Variants in SAMD5 observed in about 807,000 individuals in gnomAD.
The protein encoded by SAMD5 is sterile alpha motif domain containing 5.
Under a neutral mutation model 11.3 loss-of-function variants are expected in SAMD5, and 13 were observed. That is an observed-to-expected ratio of 1.15 (90% CI 0.75 to 1.83). The LOEUF is 1.83. Among genes scored for constraint, SAMD5 ranks in the 40% most tolerant of loss-of-function variants. The probability of loss-of-function intolerance (pLI) is 0.00; values close to 1 mark genes in which losing one functional copy is unlikely to be tolerated. For missense variants in SAMD5, 255 were observed against 239.1 expected (o/e 1.07, Z -0.44); for synonymous variants, 129 against 111.3 (o/e 1.16, Z -1.00).
At chr6:147,558,412 G>A (rs993567022) in intron 1 of SAMD5, among the ~76,000 whole-genome samples, 3 of 152,162 alleles carry the variant, frequency 2.0e-5, no homozygotes, top group African/African-American at 7.2e-5. Context: ...CTTGTGCTGC[G>A]TAATTATAAG....
At chr6:147,527,270 C>A (rs1788357239) in intron 1 of SAMD5, among the ~76,000 whole-genome samples, 1 of 152,080 alleles carries the variant, frequency 6.6e-6, no homozygotes, top group Non-Finnish European at 1.5e-5. Context: ...GGAAGCATGG[C>A]AACGTCTGCT....
chr6:147,953,039 G>A, the SAMD5 span, among the ~76,000 whole-genome samples: 1 of 151,078 alleles, frequency 6.6e-6, no homozygotes, highest in East Asian at 1.9e-4. Flanking sequence ...CTTTTTTAAT[G>A]TGCCTTTATC....
intron 1 of SAMD5, among the ~76,000 whole-genome samples, chr6:147,605,774 A>G (rs996458635): frequency 3.9e-5 from 6 of 152,186 alleles, no homozygotes; most frequent in Non-Finnish European, 8.8e-5. Context: ...GAGCCGAAAG[A>G]TAAAAACAAT....
At chr6:147,816,281 CAA>C in the SAMD5 span, among the ~76,000 whole-genome samples, 2 of 27,832 alleles carry the variant, frequency 7.2e-5, no homozygotes, top group African/African-American at 3.2e-4. Flanking sequence ...ACTCCGTCTC[CAA>C]AAAAAAAAAA....
rs575754614 is a variant in SAMD5 at position 147,565,500 on chromosome 6, C to A, written c.*1044C>A. 4.0e-4 allele frequency: 362 copies of A among 893,870 alleles called. 5 individuals are homozygous for A. The African/African-American group carries it at 6.2e-3, about 15-fold the overall frequency. 55.4% of individuals were successfully genotyped at this position (893,870 alleles called of 1,614,324 possible). A position where few individuals can be genotyped will look rare whatever the true frequency, so the allele number is the denominator to read the frequency against. ...TTTAGACAGAGTCTCGCTCTGTCACCCAGGCTGGAGTGTAGTGGCACAATC... is the reference window on the plus strand; with the variant it reads ...TTTAGACAGAGTCTCGCTCTGTCACACAGGCTGGAGTGTAGTGGCACAATC... On this transcript the variant is annotated 3_prime_UTR_variant, in exon 2 of 2. Transcript: ENST00000367474.
intron 1 of SAMD5, among the ~76,000 whole-genome samples, chr6:147,511,700 T>G (rs1485142397): frequency 6.6e-6 from 1 of 151,912 alleles, no homozygotes; most frequent in Middle Eastern, 3.5e-3. Flanking sequence ...ATATAATTAA[T>G]GTACACATAT....
At chr6:147,802,121 T>TACAC in the SAMD5 span, among the ~76,000 whole-genome samples, 1 of 152,194 alleles carries the variant, frequency 6.6e-6, no homozygotes, top group Admixed American at 6.5e-5. Context: ...ACAGGTAAGT[T>TACAC]ACACACTGGG....
chr6:147,678,164 T>A (rs1181041397), intron 1 of SAMD5, among the ~76,000 whole-genome samples: 2 of 152,230 alleles, frequency 1.3e-5, no homozygotes, highest in South Asian at 2.1e-4. Flanking sequence ...AGGCAACTCT[T>A]ATCTTCTCGT....
At chr6:147,878,626 T>C in the SAMD5 span, among the ~76,000 whole-genome samples, 1 of 147,992 alleles carries the variant, frequency 6.8e-6, no homozygotes, top group African/African-American at 2.5e-5. Context: ...TATATGTATA[T>C]ATATCTATAT....
At chr6:147,788,353 T>C in the SAMD5 span, among the ~76,000 whole-genome samples, 1 of 152,338 alleles carries the variant, frequency 6.6e-6, no homozygotes, top group Non-Finnish European at 1.5e-5. Context: ...TTTGGCATAT[T>C]ACTTTCTTGA....
At chr6:147,550,708 A>AC (rs1788756533) in intron 1 of SAMD5, among the ~76,000 whole-genome samples, 2 of 62,668 alleles carry the variant, frequency 3.2e-5, no homozygotes, top group Non-Finnish European at 5.6e-5. Context: ...AAGAATGTGT[A>AC]CAATAGACCT....
intron 1 of SAMD5, among the ~76,000 whole-genome samples, chr6:147,575,906 T>G (rs2128445778): frequency 6.6e-6 from 1 of 152,306 alleles, no homozygotes; most frequent in Admixed American, 6.5e-5. Context: ...GCACCTTCCC[T>G]CATGGAACAA....
chr6:147,669,420 CTTTTTTTTT>C (rs55877273), intron 1 of SAMD5, among the ~76,000 whole-genome samples: 3 of 74,516 alleles, frequency 4.0e-5, no homozygotes, highest in Non-Finnish European at 7.3e-5. Context: ...AGCTCCACTT[CTTTTTTTTT>C]TTTTTTTTTT....
intron 1 of SAMD5, among the ~76,000 whole-genome samples, chr6:147,679,877 G>A (rs970579870): frequency 2.0e-5 from 3 of 150,466 alleles, no homozygotes; most frequent in Non-Finnish European, 4.4e-5. Context: ...TTTCCCCCCT[G>A]AATTATATTT....
chr6:147,932,713 A>T, the SAMD5 span, among the ~76,000 whole-genome samples: 2 of 151,506 alleles, frequency 1.3e-5, no homozygotes, highest in African/African-American at 2.4e-5. Context: ...GCACCAGCTG[A>T]ACTTACAAAT....
chr6:147,804,683 GA>G, the SAMD5 span, among the ~76,000 whole-genome samples: 1 of 152,202 alleles, frequency 6.6e-6, no homozygotes. Flanking sequence ...GAAAAAAAGG[GA>G]GGGGTAGTAT....
the SAMD5 span, among the ~76,000 whole-genome samples, chr6:147,903,785 G>A: frequency 7.9e-5 from 12 of 151,962 alleles, no homozygotes; most frequent in East Asian, 3.9e-4. Context: ...GCGCATGCCT[G>A]TAGTCCCAGC....
the SAMD5 span, among the ~76,000 whole-genome samples, chr6:147,812,083 T>G: frequency 1.3e-5 from 2 of 152,068 alleles, no homozygotes; most frequent in Admixed American, 1.3e-4. Flanking sequence ...CTCAGAAGCC[T>G]AGGACAGAGT....
At chr6:147,601,362 A>ATTTTTT (rs1180599274) in intron 1 of SAMD5, among the ~76,000 whole-genome samples, 4 of 151,482 alleles carry the variant, frequency 2.6e-5, no homozygotes, top group Non-Finnish European at 5.9e-5. Flanking sequence ...GCTGGACTAT[A>ATTTTTT]GGCAACTATT....
Sources: allele counts gnomAD v4.1 joint callset (sites outside exome capture counted in the v4.1 genomes callset), GRCh38; gene constraint gnomAD v4.1.1; transcripts MANE v1.5; gene names NCBI Gene and HGNC (gene_info 2026-07-23, HGNC 2026-07-21).